LARS2: variants seen among roughly 807,000 people sequenced by gnomAD.
LARS2 encodes the protein leucyl-tRNA synthetase 2, mitochondrial.
A neutral mutation model predicts 116.6 loss-of-function variants in LARS2; 81 were observed. That is an observed-to-expected ratio of 0.69 (90% CI 0.58 to 0.84). The LOEUF is 0.84. Among genes scored for constraint, LARS2 ranks in the 40% least tolerant of loss-of-function variants. The pLI is 0.00. For missense variants in LARS2, 968 were observed against 1,114.5 expected (o/e 0.87, Z 1.87); for synonymous variants, 396 against 407.2 (o/e 0.97, Z 0.33).
At chr3:45,465,867 C>G (rs17077871) in intron 8 of LARS2, among the ~76,000 whole-genome samples, 2,526 of 152,306 alleles carry the variant, frequency 0.017, 59 homozygotes, top group African/African-American at 0.054. Flanking sequence ...TCTCATTTCC[C>G]TTAGCCCTGA....
At chr3:45,505,521 T>TAAA (rs557290154) in intron 15 of LARS2, among the ~76,000 whole-genome samples, 1 of 140,926 alleles carries the variant, frequency 7.1e-6, no homozygotes, top group Non-Finnish European at 1.6e-5. Flanking sequence ...CTCCATCTGT[T>TAAA]AAAAAAAAAA....
intron 19 of LARS2, among the ~76,000 whole-genome samples, chr3:45,522,092 G>A (rs1015359590): frequency 6.6e-6 from 1 of 152,120 alleles, no homozygotes; most frequent in Non-Finnish European, 1.5e-5. Flanking sequence ...GTGACAAAGC[G>A]AGACTCTCTC....
At chr3:45,527,228 G>A (rs996695438) in intron 20 of LARS2, among the ~76,000 whole-genome samples, 5 of 152,168 alleles carry the variant, frequency 3.3e-5, no homozygotes, top group African/African-American at 1.2e-4. Context: ...AATGAATTTG[G>A]GCTTTGGTAG....
intron 4 of LARS2, among the ~76,000 whole-genome samples, chr3:45,411,907 C>T (rs1559459826): frequency 1.3e-5 from 2 of 152,278 alleles, no homozygotes; most frequent in Admixed American, 6.5e-5. Context: ...GTGTTCTTAT[C>T]ATTTAGCTCC....
At position 45,547,652 on chromosome 3, in the gene LARS2, C is replaced by T. The variant is rs899074244; in HGVS notation, c.*122C>T. 9.8e-6 allele frequency: 9 copies of T among 916,090 alleles called. No individual in the cohort carries two copies. Among genetic ancestry groups the T allele is most frequent in the African/African-American group, 1.7e-5 (1 of 59,904 alleles). The allele number at this position is 916,090 out of a possible 1,614,324, so 56.7% of individuals were successfully genotyped here. The stretch of plus-strand genomic sequence containing the variant: ...AGACAAATGTCTTGACTGTTGACCT[C>T]GGTCCTGTGGCAGACTGCAGTCAAC... On this transcript the variant is annotated 3_prime_UTR_variant, in exon 22 of 22. Coordinates refer to ENST00000645846, the MANE Select transcript of LARS2 (RefSeq NM_015340.4).
chr3:45,442,961 T>G (rs902748257), intron 6 of LARS2, among the ~76,000 whole-genome samples: 2 of 152,206 alleles, frequency 1.3e-5, no homozygotes, highest in Non-Finnish European at 2.9e-5. Context: ...TATTTTGTTC[T>G]GGGGACTGTC....
intron 3 of LARS2, among the ~76,000 whole-genome samples, chr3:45,399,452 A>G (rs17575828): frequency 0.18 from 27,263 of 152,150 alleles, 2,882 homozygotes; most frequent in Middle Eastern, 0.31. Context: ...AAGCTGTCTT[A>G]AAAGAGAAGT....
At chr3:45,400,143 A>T in intron 3 of LARS2, 102 bp from the exon 4 acceptor site, 1 of 1,133,676 alleles carries the variant, frequency 8.8e-7, no homozygotes, top group Non-Finnish European at 1.2e-6. Flanking sequence ...GGAAACTTTT[A>T]AAATGTTAAA....
chr3:45,507,056 T>G (rs1700210745), intron 15 of LARS2: 1 of 151,984 alleles, frequency 6.6e-6, no homozygotes, highest in Non-Finnish European at 1.5e-5. Context: ...ATCCAAATGA[T>G]TAATAAACAT....
At chr3:45,472,578 G>A (rs574625238) in intron 8 of LARS2, among the ~76,000 whole-genome samples, 38 of 152,320 alleles carry the variant, frequency 2.5e-4, no homozygotes, top group African/African-American at 8.4e-4. Flanking sequence ...TAAGATAATA[G>A]AAGCAGATGG....
At chr3:45,508,210 C>T (rs530906587) in intron 15 of LARS2, among the ~76,000 whole-genome samples, 6 of 152,158 alleles carry the variant, frequency 3.9e-5, no homozygotes, top group African/African-American at 1.2e-4. Context: ...AGCAGCTGCT[C>T]AGGGAGCTCC....
At chr3:45,510,004 T>TC (rs1700263101) in intron 15 of LARS2, among the ~76,000 whole-genome samples, 1 of 151,918 alleles carries the variant, frequency 6.6e-6, no homozygotes, top group African/African-American at 2.4e-5. Flanking sequence ...ACTCACATTA[T>TC]CCCCCACCCC....
At chr3:45,466,654 G>T (rs569172373) in intron 8 of LARS2, among the ~76,000 whole-genome samples, 1 of 152,160 alleles carries the variant, frequency 6.6e-6, no homozygotes, top group Non-Finnish European at 1.5e-5. Flanking sequence ...TATAATTGAG[G>T]TGCCAAGAGC....
intron 2 of LARS2, among the ~76,000 whole-genome samples, chr3:45,393,078 ATTT>A (rs1697982473): frequency 6.6e-6 from 1 of 152,192 alleles, no homozygotes; most frequent in South Asian, 2.1e-4. Flanking sequence ...CATTTCCAGT[ATTT>A]ACCTGTGGAA....
Position 45,491,586 on chromosome 3 carries a change from G to A in LARS2, c.1309G>A (p.Gly437Arg). The change falls in exon 13 of 22, where the codon GGA (glycine) becomes AGA (arginine). Residue 437 changes from glycine (G) to arginine (R), a missense_variant. Transcript: ENST00000645846. Reference protein sequence around the residue: ...TQKARGKRVGGDVTSDKLKDW... With the variant: ...TQKARGKRVGRDVTSDKLKDW... The stretch of plus-strand genomic sequence containing the variant: ...GAAAGCCCGGGGGAAGAGAGTGGGT[G>A]GAGACGTGACAAGTGATAAACTGAA... 2.5e-6 allele frequency: 4 copies of A among 1,614,212 alleles called. No individual in the cohort carries two copies. The highest frequency in any genetic ancestry group is 3.4e-6 in the Non-Finnish European group (4 of 1,180,022).
Position 45,491,716 on chromosome 3 carries a change from C to T in LARS2, c.1439C>T (p.Thr480Ile), listed in dbSNP as rs757474764. ...GTGCCCCTGGAGGACTTGCCTGTGA[C>T]CCTGCCCAACATCGCGTCTTTCACT... is the stretch of plus-strand genomic sequence containing the variant. ...TPVPLEDLPV[T>I]LPNIASFTGK... The change falls in exon 13 of 22, where the codon ACC becomes ATC. Residue 480 changes from threonine (T) to isoleucine (I), a missense_variant. Transcript: ENST00000645846. 2 of 1,614,068 alleles carry T rather than the reference C, an allele frequency of 1.2e-6. No homozygotes were observed. Among genetic ancestry groups the T allele is most frequent in the Non-Finnish European group, 1.7e-6 (2 of 1,179,896 alleles).
chr3:45,529,620 A>T (rs1335173581), intron 20 of LARS2, among the ~76,000 whole-genome samples: 1 of 151,764 alleles, frequency 6.6e-6, no homozygotes, highest in African/African-American at 2.4e-5. Flanking sequence ...CACATAACTA[A>T]CTGTAATTGC....
chr3:45,417,149 G>A (rs112643748), intron 4 of LARS2, among the ~76,000 whole-genome samples: 34 of 150,754 alleles, frequency 2.3e-4, no homozygotes, highest in African/African-American at 4.4e-4. Flanking sequence ...GTGTGTGTGT[G>A]TATATATATA....
At chr3:45,539,641 A>G (rs1700761452) in intron 20 of LARS2, among the ~76,000 whole-genome samples, 1 of 151,956 alleles carries the variant, frequency 6.6e-6, no homozygotes, top group Non-Finnish European at 1.5e-5. Flanking sequence ...AAAAAAAGAA[A>G]CAAAGAGAAA....
Sources: allele counts gnomAD v4.1 joint callset (sites outside exome capture counted in the v4.1 genomes callset), GRCh38; gene constraint gnomAD v4.1.1; transcripts MANE v1.5; gene names NCBI Gene and HGNC (gene_info 2026-07-23, HGNC 2026-07-21).